GREB1: variants seen among roughly 807,000 people sequenced by gnomAD.
The protein encoded by GREB1 is protein GREB1.
In GREB1, 106 loss-of-function variants were observed where a neutral mutation model predicts 200.7. The observed-to-expected ratio is 0.53, with a 90% confidence interval of 0.45 to 0.62. The LOEUF is 0.62. Ranked by LOEUF, GREB1 falls within the 20% of genes least tolerant of loss-of-function variation. The pLI, the probability that GREB1 is intolerant of heterozygous loss-of-function variation, is 0.00. For missense variants in GREB1, 2,243 were observed against 2,556.8 expected, an observed-to-expected ratio of 0.88 and a Z score of 2.65; for synonymous variants, 1,132 against 1,092.4, an observed-to-expected ratio of 1.04 and a Z score of -0.72.
intron 1 of GREB1, among the ~76,000 whole-genome samples, chr2:11,523,010 A>G (rs1218541338): frequency 1.3e-5 from 2 of 152,246 alleles, no homozygotes; most frequent in Non-Finnish European, 2.9e-5. Flanking sequence ...GGATAAAGAC[A>G]GTGTGGTACA....
chr2:11,519,117 G>GA (rs1673616759), intron 1 of GREB1, among the ~76,000 whole-genome samples: 1 of 150,068 alleles, frequency 6.7e-6, no homozygotes, highest in African/African-American at 2.4e-5. Flanking sequence ...AAAAAAAAAG[G>GA]AAAAATCCCC....
At position 11,596,130 on chromosome 2, in the gene GREB1, G is replaced by C. The variant is rs1391451770; in HGVS notation, c.1845G>C (p.Leu615Phe). ...GGGCAGAGGGTGACATTGACATTTT[G>C]CTGGACAAATTTCACCAGGAAAATC... ...TLCPEGDIDI[L>F]LDKFHQENQG... Residue 615 changes from leucine (L) to phenylalanine (F), a missense_variant, in exon 13 of 33, where the codon TTG becomes TTC. By Grantham distance (22) the Leu-to-Phe change is conservative. Transcript: ENST00000381486. The C allele has an allele frequency of 5.6e-6, 9 of 1,613,542 alleles. No individual in the cohort carries two copies. Among genetic ancestry groups the C allele is most frequent in the Non-Finnish European group, 7.6e-6 (9 of 1,179,694 alleles).
At chr2:11,502,341 C>G (rs976396532) in intron 1 of GREB1, among the ~76,000 whole-genome samples, 6 of 151,464 alleles carry the variant, frequency 4.0e-5, no homozygotes, top group Non-Finnish European at 7.4e-5. Context: ...TCACCTCTGC[C>G]TCCTCAGGAG....
At chr2:11,607,002 C>T (rs888349418) in intron 17 of GREB1, among the ~76,000 whole-genome samples, 30 of 152,036 alleles carry the variant, frequency 2.0e-4, no homozygotes, top group Admixed American at 1.6e-3. Context: ...AGGATGGTCT[C>T]GATCTCCTGA....
At chr2:11,502,458 G>A (rs916229225) in intron 1 of GREB1, among the ~76,000 whole-genome samples, 2 of 151,490 alleles carry the variant, frequency 1.3e-5, no homozygotes, top group Non-Finnish European at 2.9e-5. Context: ...CTGGGCTTAA[G>A]GGATCTGCCT....
intron 1 of GREB1, among the ~76,000 whole-genome samples, chr2:11,542,993 C>G (rs1674908906): frequency 6.6e-6 from 1 of 152,146 alleles, no homozygotes; most frequent in Non-Finnish European, 1.5e-5. Flanking sequence ...TATTTCTTGA[C>G]AATCCTCTCT....
intron 1 of GREB1, among the ~76,000 whole-genome samples, chr2:11,497,972 T>TAC: frequency 3.2e-5 from 1 of 31,052 alleles, no homozygotes; most frequent in Admixed American, 2.4e-4. Flanking sequence ...AGAGCAAAAC[T>TAC]TTTTTTTTTT....
Position 11,625,257 on chromosome 2 carries a change from G to C in GREB1, c.4251G>C (p.Pro1417=), listed in dbSNP as rs193173098. The C allele has an allele frequency of 3.1e-6, 5 of 1,614,128 alleles. No individual in the cohort carries two copies. The change falls in exon 24 of 33, where the codon CCG becomes CCC. Residue 1417 remains proline, a synonymous_variant. Transcript: ENST00000381486. ...CCTTTGACTACATCATTCACGACCCGAAGTATGAAGATGCCAGCCTGATTT... is the reference window on the plus strand; with the variant it reads ...CCTTTGACTACATCATTCACGACCCCAAGTATGAAGATGCCAGCCTGATTT... ...KLPFDYIIHD[P]KYEDASLICS...
intron 1 of GREB1, among the ~76,000 whole-genome samples, chr2:11,506,387 G>A (rs750339369): frequency 1.2e-4 from 18 of 152,186 alleles, no homozygotes; most frequent in Non-Finnish European, 2.5e-4. Context: ...TCTTCAGGGA[G>A]GCCAATGGTA....
chr2:11,484,179 C>T (rs1175481794), intron 1 of GREB1, among the ~76,000 whole-genome samples: 1 of 152,166 alleles, frequency 6.6e-6, no homozygotes, highest in African/African-American at 2.4e-5. Flanking sequence ...AATCTCTGGG[C>T]AGATTTGCAG....
chr2:11,555,940 AAAAT>A (rs775126472), intron 1 of GREB1, among the ~76,000 whole-genome samples: 18 of 152,318 alleles, frequency 1.2e-4, no homozygotes, highest in African/African-American at 2.6e-4. Flanking sequence ...GGGGGGATAG[AAAAT>A]AAATCTCTTG....
In GREB1 at chr2:11,552,738, G is replaced by A. The variant is rs144888438; in HGVS notation, c.-161-3716G>A. 1.4e-3 allele frequency among the ~76,000 whole-genome samples: 206 copies of A among 151,962 alleles called. 2 individuals are homozygous for A. In the East Asian group the frequency reaches 0.016, roughly 12 times the overall value. On this transcript the variant is annotated intron_variant, in intron 1 of 32. Transcript: ENST00000381486. ...CAAAAAGAGCCGCAGTTGGCCGGGCGCGGTGGCTCACGCCTGTAATCCCAG... is the reference window on the plus strand; with the variant it reads ...CAAAAAGAGCCGCAGTTGGCCGGGCACGGTGGCTCACGCCTGTAATCCCAG...
Position 11,618,275 on chromosome 2 carries a change from C to A in GREB1, c.3413-13C>A. On this transcript the variant is annotated splice_polypyrimidine_tract_variant and intron_variant, in intron 21 of 32. Coordinates refer to ENST00000381486, the MANE Select transcript of GREB1 (RefSeq NM_014668.4). ...CTTCTAGGACGTCCCTGACCATGTTCGTCTCTCCTCAGGTTCAGCGCTCGG... is the reference window on the plus strand; with the variant it reads ...CTTCTAGGACGTCCCTGACCATGTTAGTCTCTCCTCAGGTTCAGCGCTCGG... 1 of 1,499,362 alleles carries A rather than the reference C, an allele frequency of 6.7e-7. No individual in the cohort carries two copies. The highest frequency in any genetic ancestry group is 2.3e-5 in the East Asian group (1 of 43,706). The allele number at this position is 1,499,362 out of a possible 1,614,324, so 92.9% of individuals were successfully genotyped here. A position where few individuals can be genotyped will look rare whatever the true frequency, so the allele number is the denominator to read the frequency against.
rs1221489846 is a variant in GREB1 at position 11,638,722 on chromosome 2, T to C, written c.5599T>C (p.Ser1867Pro). 1 of 1,613,990 alleles carries C rather than the reference T, an allele frequency of 6.2e-7. No homozygotes were observed. The highest frequency in any genetic ancestry group is 8.5e-7 in the Non-Finnish European group (1 of 1,179,912). ...GCCCCACTCTTTAAACATCAGCTGC[T>C]CGGACTTGCTGTTCAGTGGGCTGCT... ...SRPHSLNISC[S>P]DLLFSGLLLY... The change falls in exon 32 of 33, where the codon TCG becomes CCG. Residue 1867 changes from serine to proline, a missense_variant. Physicochemically the swap from Ser to Pro is moderately conservative, Grantham distance 74. Coordinates refer to ENST00000381486, the MANE Select transcript of GREB1 (RefSeq NM_014668.4).
At chr2:11,631,885 C>T (rs761829380) in intron 26 of GREB1, 24 bp from the exon 27 acceptor site, 11 of 1,568,528 alleles carry the variant, frequency 7.0e-6, no homozygotes, top group Admixed American at 1.7e-5. Flanking sequence ...AAACACTCTA[C>T]CTCATGATAC....
chr2:11,556,910 G>A, intron 2 of GREB1, 139 bp downstream of exon 2: 2 of 655,402 alleles, frequency 3.1e-6, no homozygotes, highest in Non-Finnish European at 2.4e-6. Flanking sequence ...AAGAAAACTG[G>A]GTACAAGTTC....
rs1281798883 is a variant in GREB1, at chr2:11,552,926, C to T, written c.-161-3528C>T. Among the ~76,000 whole-genome samples, 7 of 147,406 alleles carry T rather than the reference C, an allele frequency of 4.7e-5. No individual in the cohort carries two copies. The East Asian group carries it at 1.2e-3, about 26-fold the overall frequency. ...ACGGGAGGCTGAGGCAGGAGAATGGCGTGAACCCGGGAGGCGGAGCTTGCA... is the reference window on the plus strand; with the variant it reads ...ACGGGAGGCTGAGGCAGGAGAATGGTGTGAACCCGGGAGGCGGAGCTTGCA... On this transcript the variant is annotated intron_variant, in intron 1 of 32. Transcript: ENST00000381486.
intron 1 of GREB1, among the ~76,000 whole-genome samples, chr2:11,488,856 A>G (rs1672717287): frequency 7.1e-6 from 1 of 141,472 alleles, no homozygotes; most frequent in Admixed American, 7.8e-5. Context: ...ACTGGGGCAT[A>G]TGTAGGCAGT....
chr2:11,547,457 G>A (rs529906356), intron 1 of GREB1, among the ~76,000 whole-genome samples: 6 of 152,156 alleles, frequency 3.9e-5, no homozygotes, highest in Non-Finnish European at 2.9e-5. Context: ...TTCTTCACAC[G>A]TGTCCTTCCT....
Sources: allele counts gnomAD v4.1 joint callset (sites outside exome capture counted in the v4.1 genomes callset), GRCh38; gene constraint gnomAD v4.1.1; transcripts MANE v1.5; gene names NCBI Gene and HGNC (gene_info 2026-07-23, HGNC 2026-07-21).